RAB2B: variants seen among roughly 807,000 people sequenced by gnomAD.
RAB2B encodes ras-related protein Rab-2B.
Under a neutral mutation model 29.8 loss-of-function variants are expected in RAB2B, and 20 were observed. The ratio of observed to expected loss-of-function variants is 0.67; its 90% CI spans 0.47 to 0.97. The LOEUF is 0.97. Ranked by LOEUF, RAB2B falls within the 50% of genes least tolerant of loss-of-function variation. The pLI, the probability that RAB2B is intolerant of heterozygous loss-of-function variation, is 0.00. For missense variants in RAB2B, 218 were observed against 272.0 expected (o/e 0.80, Z 1.40); for synonymous variants, 93 against 91.7 (o/e 1.01, Z -0.08).
chr14:21,467,481 A>T (rs1422869855), intron 5 of RAB2B, among the ~76,000 whole-genome samples: 1 of 152,242 alleles, frequency 6.6e-6, no homozygotes, highest in Non-Finnish European at 1.5e-5. Flanking sequence ...GTTATAAAAA[A>T]TACTCATGTT....
chr14:21,466,749 G>C (rs1448749880), intron 5 of RAB2B, among the ~76,000 whole-genome samples: 1 of 152,148 alleles, frequency 6.6e-6, no homozygotes, highest in Non-Finnish European at 1.5e-5. Context: ...GTTTCTGGCA[G>C]TTGCTGTTAT....
chr14:21,476,404 G>A, intron 2 of RAB2B, 124 bp downstream of exon 2: 2 of 935,910 alleles, frequency 2.1e-6, no homozygotes, highest in South Asian at 2.9e-5. Flanking sequence ...ACATAAGTTT[G>A]GACTAGTTTA....
At chr14:21,466,193 A>C (rs1007141273) in intron 5 of RAB2B, among the ~76,000 whole-genome samples, 2 of 152,216 alleles carry the variant, frequency 1.3e-5, no homozygotes, top group East Asian at 1.9e-4. Context: ...TACACTAAAA[A>C]TAATTAGCAG....
intron 3 of RAB2B, among the ~76,000 whole-genome samples, chr14:21,471,980 TGAA>T (rs1156547739): frequency 1.3e-5 from 2 of 152,054 alleles, no homozygotes; most frequent in African/African-American, 4.8e-5. Flanking sequence ...CCGGCCTAGA[TGAA>T]GGTTTGATAA....
intron 7 of RAB2B, among the ~76,000 whole-genome samples, chr14:21,462,139 G>A (rs1211292057): frequency 6.7e-6 from 1 of 150,116 alleles, no homozygotes; most frequent in Non-Finnish European, 1.5e-5. Context: ...ATCTCTTTAA[G>A]CATTCTGAGT....
chr14:21,473,567 T>A (rs1392296221), intron 3 of RAB2B, among the ~76,000 whole-genome samples: 1 of 152,202 alleles, frequency 6.6e-6, no homozygotes, highest in Non-Finnish European at 1.5e-5. Context: ...TCTCAAACAT[T>A]GGCATAAAAA....
chr14:21,474,085 G>GGAGGCT (rs1156873057), intron 3 of RAB2B, among the ~76,000 whole-genome samples: 2 of 152,206 alleles, frequency 1.3e-5, no homozygotes, highest in African/African-American at 4.8e-5. Flanking sequence ...CGGCTACTCA[G>GGAGGCT]GAGGCTGAGG....
At chr14:21,464,449 T>C (rs1297078213) in intron 5 of RAB2B, among the ~76,000 whole-genome samples, 1 of 151,948 alleles carries the variant, frequency 6.6e-6, no homozygotes, top group Non-Finnish European at 1.5e-5. Flanking sequence ...AGCAGAAAAG[T>C]CATAAGATGT....
At chr14:21,462,836 TAA>T (rs1182397229) in intron 6 of RAB2B, among the ~76,000 whole-genome samples, 21 of 87,026 alleles carry the variant, frequency 2.4e-4, no homozygotes, top group Non-Finnish European at 2.6e-4. Context: ...AGACTCAGTC[TAA>T]AAAAAAAAAA....
rs1890517154 is a variant in RAB2B at position 21,460,430 on chromosome 14, C to T, written c.*766G>A. On this transcript the variant is annotated 3_prime_UTR_variant, in exon 8 of 8. Coordinates refer to ENST00000397762, the MANE Select transcript of RAB2B (RefSeq NM_032846.4). ...TGAAACCCTGTCTCTACTAAAAATA[C>T]AAAAATGAGCCAGGTGTGGTGGCAC... is the stretch of plus-strand genomic sequence containing the variant. 1 of 373,106 alleles carries T rather than the reference C, an allele frequency of 2.7e-6. No homozygotes were observed. The allele number at this position is 373,106 out of a possible 1,614,324, so 23.1% of individuals were successfully genotyped here. A position where few individuals can be genotyped will look rare whatever the true frequency, so the allele number is the denominator to read the frequency against.
Position 21,468,675 on chromosome 14 carries a change from A to T in RAB2B, c.264T>A (p.Ile88=). 1 of 1,563,406 alleles carries T rather than the reference A, an allele frequency of 6.4e-7. No homozygotes were observed. The highest frequency in any genetic ancestry group is 8.6e-7 in the Non-Finnish European group (1 of 1,159,150). ...GAAGALLVYD[I]TRRETFNHLT... ...ATGCACCAGATCTGGCTCACCTTGT[A>T]ATGTCGTACACCAGCAGTGCTCCAG... Residue 88 remains isoleucine (I), a synonymous_variant, in exon 4 of 8, where the codon ATT becomes ATA. Transcript: ENST00000397762.
At chr14:21,473,796 A>G (rs1239377946) in intron 3 of RAB2B, among the ~76,000 whole-genome samples, 2 of 151,462 alleles carry the variant, frequency 1.3e-5, no homozygotes, top group Non-Finnish European at 2.9e-5. Flanking sequence ...GCGGATCACG[A>G]GGTCAGGAGA....
At chr14:21,468,170 T>C (rs1052585932) in intron 5 of RAB2B, among the ~76,000 whole-genome samples, 187 bp downstream of exon 5, 10 of 152,192 alleles carry the variant, frequency 6.6e-5, no homozygotes, top group African/African-American at 2.4e-4. Context: ...TTCTTAATGC[T>C]ACAGGACTGT....
At chr14:21,476,708 C>T in intron 1 of RAB2B, 109 bp from the exon 2 acceptor site, 1 of 1,597,228 alleles carries the variant, frequency 6.3e-7, no homozygotes, top group African/African-American at 1.3e-5. Flanking sequence ...CCCGGCCGCC[C>T]CGAACCGCCC....
intron 7 of RAB2B, among the ~76,000 whole-genome samples, chr14:21,461,759 G>A (rs1004140210): frequency 3.9e-5 from 6 of 152,066 alleles, no homozygotes; most frequent in East Asian, 1.9e-4. Flanking sequence ...TTTTAGAGAC[G>A]GAGTCTCTCT....
At chr14:21,464,271 G>A (rs1274194697) in intron 5 of RAB2B, among the ~76,000 whole-genome samples, 2 of 152,150 alleles carry the variant, frequency 1.3e-5, no homozygotes, top group East Asian at 1.9e-4. Flanking sequence ...ATGGTGGCAG[G>A]TGCCTGTAAT....
chr14:21,475,331 C>G (rs139637392), intron 2 of RAB2B, among the ~76,000 whole-genome samples: 7 of 152,048 alleles, frequency 4.6e-5, no homozygotes, highest in Admixed American at 3.3e-4. Context: ...CTTTCTCAGT[C>G]ACTCTTTAGT....
chr14:21,466,462 G>A (rs559082760), intron 5 of RAB2B, among the ~76,000 whole-genome samples: 1 of 152,160 alleles, frequency 6.6e-6, no homozygotes, highest in Non-Finnish European at 1.5e-5. Flanking sequence ...GCTCTAGCCT[G>A]GGTGACAAGA....
intron 7 of RAB2B, 119 bp downstream of exon 7, chr14:21,462,231 G>T: frequency 5.9e-6 from 4 of 675,290 alleles, no homozygotes; most frequent in East Asian, 3.2e-5. Context: ...GTGTTGAATT[G>T]GCAGAGCTTT....
Sources: gnomAD v4.1 joint callset for allele counts (sites outside exome capture counted in the v4.1 genomes callset) on GRCh38, gnomAD v4.1.1 for gene constraint, MANE v1.5 for transcripts, NCBI Gene and HGNC (gene_info 2026-07-23, HGNC 2026-07-21) for gene names.